Variants in USP49 observed in about 807,000 individuals in gnomAD.
USP49 encodes the protein ubiquitin specific peptidase 49, also known as ubiquitin carboxyl-terminal hydrolase 49.
In USP49, 24 loss-of-function variants were observed where a neutral mutation model predicts 58.6. That is an observed-to-expected ratio of 0.41 (90% CI 0.30 to 0.58). The LOEUF is 0.58. USP49 is among the 20% of genes least tolerant of loss of function. The probability of loss-of-function intolerance (pLI) is 0.30; values close to 1 mark genes in which losing one functional copy is unlikely to be tolerated. For synonymous variants in USP49, 408 were observed against 365.1 expected, an observed-to-expected ratio of 1.12 and a Z score of -1.34; for missense variants, 703 against 866.1, an observed-to-expected ratio of 0.81 and a Z score of 2.36.
At chr6:41,829,967 A>G (rs1278687196) in intron 3 of USP49, among the ~76,000 whole-genome samples, 1 of 152,218 alleles carries the variant, frequency 6.6e-6, no homozygotes, top group African/African-American at 2.4e-5. Flanking sequence ...AATATGTTGG[A>G]TGATATCAGT....
At chr6:41,862,233 T>C (rs1561921288) in intron 3 of USP49, among the ~76,000 whole-genome samples, 1 of 152,188 alleles carries the variant, frequency 6.6e-6, no homozygotes, top group African/African-American at 2.4e-5. Context: ...AAATTTTGGA[T>C]AGAGATCATC....
Position 41,803,779 on chromosome 6 carries a change from A to G in USP49, c.1561+27T>C. 1 of 1,611,510 alleles carries G rather than the reference A, an allele frequency of 6.2e-7. No individual in the cohort carries two copies. On this transcript the variant is annotated intron_variant, in intron 5 of 7. Coordinates refer to ENST00000682992, the MANE Select transcript of USP49 (RefSeq NM_001286554.2). This position sits in a 1 kb window ranked among gnomAD's most constrained non-coding sequence, Gnocchi z 4.1. Reference sequence around the variant, plus strand: ...GATATTCCAATTATTCTTCCCCACTACGCCCCCTCCTCCACACAGCACTCA... The same window carrying G: ...GATATTCCAATTATTCTTCCCCACTGCGCCCCCTCCTCCACACAGCACTCA...
rs913001907 is a variant in USP49, at chr6:41,794,813, G to A, written c.*1720C>T. On this transcript the variant is annotated 3_prime_UTR_variant, in exon 8 of 8. Coordinates refer to ENST00000682992, the MANE Select transcript of USP49 (RefSeq NM_001286554.2). Reference sequence around the variant, plus strand: ...AGCTAAATATTACAGAAACCTCACAGTGTTGGAAAAAGCAAGTTTAATTTA... The same window carrying A: ...AGCTAAATATTACAGAAACCTCACAATGTTGGAAAAAGCAAGTTTAATTTA... 3.9e-5 allele frequency: 6 copies of A among 152,230 alleles called. No individual in the cohort carries two copies. Among genetic ancestry groups the A allele is most frequent in the African/African-American group, 7.2e-5 (3 of 41,454 alleles). The allele number at this position is 152,230 out of a possible 1,614,324, so 9.4% of individuals were successfully genotyped here.
At chr6:41,885,681 C>T (rs1774697097) in intron 2 of USP49, among the ~76,000 whole-genome samples, 1 of 152,128 alleles carries the variant, frequency 6.6e-6, no homozygotes, top group Admixed American at 6.5e-5. Context: ...CACCTGTAGT[C>T]CCAGCTACTG....
chr6:41,850,622 T>G (rs1169282326), intron 3 of USP49, among the ~76,000 whole-genome samples: 3 of 151,586 alleles, frequency 2.0e-5, no homozygotes, highest in South Asian at 2.1e-4. Context: ...TTTTTTTTTT[T>G]TGAGACAGAG....
In USP49 at chr6:41,892,005, T is replaced by C. The variant is rs183996863; in HGVS notation, c.-184-130A>G. Reference sequence around the variant, plus strand: ...TTAAATTGGGTAGAACTGTACTTGATGAACAAATGAAAATAAAGCTTAAAT... The same window carrying C: ...TTAAATTGGGTAGAACTGTACTTGACGAACAAATGAAAATAAAGCTTAAAT... On this transcript the variant is annotated intron_variant, in intron 1 of 7. Coordinates refer to ENST00000682992, the MANE Select transcript of USP49 (RefSeq NM_001286554.2). The C allele has an allele frequency of 3.9e-5, 6 of 152,284 alleles. No individual in the cohort carries two copies. The East Asian group carries it at 9.6e-4, about 24-fold the overall frequency. 9.4% of individuals were successfully genotyped at this position (152,284 alleles called of 1,614,324 possible).
chr6:41,860,101 A>G (rs570310640), intron 3 of USP49, among the ~76,000 whole-genome samples: 44 of 152,332 alleles, frequency 2.9e-4, no homozygotes, highest in Middle Eastern at 3.4e-3. Flanking sequence ...GGAAATATAC[A>G]CACTTATTAA....
At chr6:41,852,793 A>C (rs1454213967) in intron 3 of USP49, among the ~76,000 whole-genome samples, 1 of 152,242 alleles carries the variant, frequency 6.6e-6, no homozygotes, top group African/African-American at 2.4e-5. Flanking sequence ...AGCACTATTC[A>C]TAACAGCCAA....
At chr6:41,838,788 T>A (rs1224328273) in intron 3 of USP49, among the ~76,000 whole-genome samples, 4 of 152,186 alleles carry the variant, frequency 2.6e-5, no homozygotes, top group African/African-American at 9.7e-5. Context: ...CATTCTTTTA[T>A]CAGCACATGG....
intron 2 of USP49, among the ~76,000 whole-genome samples, chr6:41,875,879 G>A (rs1774495995): frequency 1.3e-5 from 2 of 152,006 alleles, no homozygotes; most frequent in Admixed American, 6.6e-5. Context: ...TTACAGGCAC[G>A]CACCACCACA....
At chr6:41,841,778 C>T (rs963514481) in intron 3 of USP49, among the ~76,000 whole-genome samples, 1 of 152,118 alleles carries the variant, frequency 6.6e-6, no homozygotes, top group African/African-American at 2.4e-5. Flanking sequence ...ATCATTTGGC[C>T]GGGCGCAGTG....
At chr6:41,837,304 C>T (rs1019635127) in intron 3 of USP49, among the ~76,000 whole-genome samples, 10 of 152,224 alleles carry the variant, frequency 6.6e-5, no homozygotes, top group South Asian at 2.1e-4. Context: ...GAAATAAAAA[C>T]GTACACCTAC....
chr6:41,805,589 C>CTA (rs1773098609), intron 4 of USP49, 39 bp downstream of exon 4: 1 of 1,573,920 alleles, frequency 6.4e-7, no homozygotes. Context: ...CCCAAGCTAA[C>CTA]ATACAAGCCT....
At position 41,850,043 on chromosome 6, in the gene USP49, T is replaced by C. The variant is rs1029098382; in HGVS notation, c.-29+21521A>G. Among the ~76,000 whole-genome samples, 4 of 152,108 alleles carry C rather than the reference T, an allele frequency of 2.6e-5. No homozygotes were observed. The South Asian group carries it at 6.2e-4, about 24-fold the overall frequency. On this transcript the variant is annotated intron_variant, in intron 3 of 7. Transcript: ENST00000682992. ...GGATCAAACAAGTCACAAGAGAAGT[T>C]AGAAAATACCTTGAGACAAATAAAA...
chr6:41,822,818 C>CAAAA (rs11324219), intron 3 of USP49, among the ~76,000 whole-genome samples: 2 of 144,618 alleles, frequency 1.4e-5, no homozygotes. Flanking sequence ...GACTCCATCT[C>CAAAA]AAAAAAAAAA....
In USP49 at chr6:41,806,637, G is replaced by C; in HGVS notation, c.347C>G (p.Thr116Arg). The C allele has an allele frequency of 6.2e-7, 1 of 1,613,266 alleles. No individual in the cohort carries two copies. ...CTCACCCGAAGCCATGGACCGCAGC[G>C]TCCGCCCACGTCTCACCGGCGTGTC... is the stretch of plus-strand genomic sequence containing the variant. ...KQDTPVRRGR[T>R]LRSMASGEDV... Residue 116 changes from threonine (T) to arginine (R), a missense_variant, in exon 4 of 8, where the codon ACG becomes AGG. Transcript: ENST00000682992. The surrounding 1 kb of genome is among the most constrained non-coding windows in gnomAD (Gnocchi z 5.9).
intron 3 of USP49, among the ~76,000 whole-genome samples, chr6:41,827,596 G>A (rs1250568020): frequency 2.7e-5 from 4 of 147,044 alleles, no homozygotes; most frequent in Non-Finnish European, 5.9e-5. Context: ...GAAGGCAGAA[G>A]TTGCAGTGAG....
At chr6:41,862,315 A>G (rs1774237475) in intron 3 of USP49, among the ~76,000 whole-genome samples, 1 of 152,246 alleles carries the variant, frequency 6.6e-6, no homozygotes, top group Admixed American at 6.5e-5. Flanking sequence ...TTGAGAATGC[A>G]TTTCCCTAAT....
Position 41,805,955 on chromosome 6 carries a change from C to T in USP49, c.1029G>A (p.Glu343=). The change falls in exon 4 of 8, where the codon GAG becomes GAA. Residue 343 remains glutamate (E), a synonymous_variant. Transcript: ENST00000682992. ...AACTCGGCTCCTTGTTCTGGATGAG[C>T]TCCAGACTCCGACTAATGGAGGCCC... ...NGRASISRSL[E]LIQNKEPSSK... is the part of the protein sequence containing the mutation. The T allele has an allele frequency of 6.2e-7, 1 of 1,613,930 alleles. No individual in the cohort carries two copies. The highest frequency in any genetic ancestry group is 1.1e-5 in the South Asian group (1 of 91,080).
Sources: gnomAD v4.1 joint callset for allele counts (sites outside exome capture counted in the v4.1 genomes callset) on GRCh38, gnomAD v4.1.1 for gene constraint, Gnocchi (gnomAD v3.1) non-coding constraint, MANE v1.5 for transcripts, NCBI Gene and HGNC (gene_info 2026-07-23, HGNC 2026-07-21) for gene names.